GAS7: variants seen among roughly 807,000 people sequenced by gnomAD.
GAS7 encodes the protein growth arrest-specific protein 7.
GAS7 carries 28 observed loss-of-function variants against 71.1 expected under a neutral mutation model. The observed-to-expected ratio is 0.39, with a 90% CI of 0.29 to 0.54. The LOEUF is 0.54. GAS7 is among the 20% of genes least tolerant of loss of function. The pLI is 0.62. For synonymous variants in GAS7, 258 were observed against 245.8 expected, an observed-to-expected ratio of 1.05 and a Z score of -0.46; for missense variants, 436 against 627.8, an observed-to-expected ratio of 0.69 and a Z score of 3.27.
rs12938892 is a variant in GAS7 at position 10,103,775 on chromosome 17, A to C, written c.184-83878T>G. Among the ~76,000 whole-genome samples the C allele has an allele frequency of 6.6e-6, 1 of 151,236 alleles. No homozygotes were observed. Among genetic ancestry groups the C allele is most frequent in the Admixed American group, 6.6e-5 (1 of 15,192 alleles). On this transcript the variant is annotated intron_variant, in intron 1 of 13. Coordinates refer to ENST00000432992, the MANE Select transcript of GAS7 (RefSeq NM_201433.2). The surrounding 1 kb of genome is among the most constrained non-coding windows in gnomAD (Gnocchi z 5.5). ...TGGGAGGCAGAGGTTGCAGTGAGCC[A>C]AGATCTCACCATTGCACTCCAGCCT...
rs775331164 is a variant in GAS7, at chr17:9,971,009, C to G, written c.386-1247G>C. 7.2e-5 allele frequency among the ~76,000 whole-genome samples: 11 copies of G among 152,156 alleles called. No individual in the cohort carries two copies. In the South Asian group the frequency reaches 1.0e-3, roughly 14 times the overall value. ...TACCTGTAAAATGGGGATAATTCTA[C>G]GTATTCTCCTGACCTACTTTGTTGG... On this transcript the variant is annotated intron_variant, in intron 3 of 13. Transcript: ENST00000432992.
chr17:10,029,138 TG>T (rs1353896171), intron 1 of GAS7, among the ~76,000 whole-genome samples: 1 of 152,210 alleles, frequency 6.6e-6, no homozygotes, highest in Non-Finnish European at 1.5e-5. Context: ...ATCATTTACG[TG>T]GGAAGACCAG....
chr17:10,109,596 T>G (rs1039666436), intron 1 of GAS7, among the ~76,000 whole-genome samples: 2 of 152,196 alleles, frequency 1.3e-5, no homozygotes, highest in Non-Finnish European at 1.5e-5. Context: ...CTGCTGGGTA[T>G]TTATCCAAAC....
chr17:10,028,125 G>C (rs778947339), intron 1 of GAS7, among the ~76,000 whole-genome samples: 1 of 152,144 alleles, frequency 6.6e-6, no homozygotes, highest in African/African-American at 2.4e-5. Context: ...GGATGGTCTC[G>C]ATCTCTTGAC....
Position 9,919,678 on chromosome 17 carries a change from A to C in GAS7, c.1166T>G (p.Leu389Arg), listed in dbSNP as rs1485963817. The C allele has an allele frequency of 6.2e-7, 1 of 1,613,662 alleles. No homozygotes were observed. The highest frequency in any genetic ancestry group is 8.5e-7 in the Non-Finnish European group (1 of 1,179,688). The change falls in exon 12 of 14, where the codon CTC (leucine) becomes CGC (arginine). Residue 389 changes from leucine (L) to arginine (R), a missense_variant. By Grantham distance (102) the Leu-to-Arg change is moderately radical. Coordinates refer to ENST00000432992, the MANE Select transcript of GAS7 (RefSeq NM_201433.2). This position sits in a 1 kb window ranked among gnomAD's most constrained non-coding sequence, Gnocchi z 5.0. Reference sequence around the variant, plus strand: ...CCATTTGGACTGGGCCTGGTTGTAGAGATCCACACAGCGCATGAGGTCGTC... The same window carrying C: ...CCATTTGGACTGGGCCTGGTTGTAGCGATCCACACAGCGCATGAGGTCGTC... ...AGDDLMRCVD[L>R]YNQAQSKWFE...
intron 1 of GAS7, among the ~76,000 whole-genome samples, chr17:10,039,552 G>A (rs1315611997): frequency 6.6e-6 from 1 of 152,058 alleles, no homozygotes; most frequent in African/African-American, 2.4e-5. Flanking sequence ...GCATGGTGGC[G>A]GGCGCCTGTA....
At chr17:9,990,078 G>A (rs2070782728) in intron 2 of GAS7, among the ~76,000 whole-genome samples, 1 of 152,146 alleles carries the variant, frequency 6.6e-6, no homozygotes, top group Admixed American at 6.5e-5. Context: ...GACCATCCTG[G>A]CTAACACGGT....
At chr17:9,988,493 C>T (rs138738271) in intron 2 of GAS7, among the ~76,000 whole-genome samples, 155 of 152,324 alleles carry the variant, frequency 1.0e-3, no homozygotes, top group African/African-American at 3.6e-3. Flanking sequence ...TTCCCTCCTG[C>T]GCACCAGAGT....
At chr17:10,019,999 C>T in intron 1 of GAS7, 102 bp from the exon 2 acceptor site, 2 of 1,150,958 alleles carry the variant, frequency 1.7e-6, no homozygotes, top group Non-Finnish European at 2.5e-6. Context: ...AGTAGCGTGA[C>T]ATTGGGAAGT....
At chr17:10,117,969 T>G (rs2073874773) in intron 1 of GAS7, among the ~76,000 whole-genome samples, 1 of 152,122 alleles carries the variant, frequency 6.6e-6, no homozygotes, top group Non-Finnish European at 1.5e-5. Context: ...TTTACTGAGC[T>G]GTGAGAAGCC....
intron 9 of GAS7, among the ~76,000 whole-genome samples, chr17:9,932,387 G>A (rs1245019763): frequency 1.3e-5 from 2 of 152,030 alleles, no homozygotes; most frequent in African/African-American, 4.8e-5. Context: ...TAGAGATGGG[G>A]TTTCACCATG....
intron 2 of GAS7, among the ~76,000 whole-genome samples, chr17:9,982,477 C>T (rs1233006457): frequency 3.9e-5 from 6 of 152,128 alleles, no homozygotes; most frequent in East Asian, 1.9e-4. Context: ...GCTACAGGCT[C>T]TAATCAGAAA....
chr17:9,932,484 C>G (rs1368092363), intron 9 of GAS7, among the ~76,000 whole-genome samples: 4 of 152,242 alleles, frequency 2.6e-5, no homozygotes, highest in African/African-American at 7.2e-5. Flanking sequence ...TGAGCCACCA[C>G]GCCTGGCCCC....
chr17:9,961,231 T>G (rs117192997), intron 4 of GAS7, among the ~76,000 whole-genome samples: 1 of 152,158 alleles, frequency 6.6e-6, no homozygotes, highest in Non-Finnish European at 1.5e-5. Flanking sequence ...TAGACATTTT[T>G]AGTGCATCAT....
chr17:9,985,859 T>C (rs570661698), intron 2 of GAS7, among the ~76,000 whole-genome samples: 3 of 152,312 alleles, frequency 2.0e-5, no homozygotes, highest in South Asian at 4.1e-4. Flanking sequence ...GGTGGCCGCA[T>C]TGCAATGCTG....
rs563010572 is a variant in GAS7, at chr17:9,915,786, G to A, written c.*1442C>T. ...ATGGATTTCCAGGGCATGGGCTCCC[G>A]ACTAGAATCTGCCCCTCGCTCATGC... On this transcript the variant is annotated 3_prime_UTR_variant, in exon 14 of 14. Coordinates refer to ENST00000432992, the MANE Select transcript of GAS7 (RefSeq NM_201433.2). 1.2e-4 allele frequency: 27 copies of A among 231,284 alleles called. No individual in the cohort carries two copies. Among genetic ancestry groups the A allele is most frequent in the South Asian group, 1.8e-4 (1 of 5,516 alleles). The allele number at this position is 231,284 out of a possible 1,614,324, so 14.3% of individuals were successfully genotyped here. A position where few individuals can be genotyped will look rare whatever the true frequency, so the allele number is the denominator to read the frequency against.
Position 9,911,661 on chromosome 17 carries a change from G to C in GAS7, c.*5567C>G, listed in dbSNP as rs757128400. 38 of 232,792 alleles carry C rather than the reference G, an allele frequency of 1.6e-4. No homozygotes were observed. The highest frequency in any genetic ancestry group is 2.6e-3 in the Middle Eastern group (2 of 780). The allele number at this position is 232,792 out of a possible 1,614,324, so 14.4% of individuals were successfully genotyped here. A position where few individuals can be genotyped will look rare whatever the true frequency, so the allele number is the denominator to read the frequency against. On this transcript the variant is annotated 3_prime_UTR_variant, in exon 14 of 14. Transcript: ENST00000432992. The surrounding 1 kb of genome is among the most constrained non-coding windows in gnomAD (Gnocchi z 4.0). ...AAAGCCTCAACAAAAATACTCCTGA[G>C]GGGGAGACAAGAGTCCTCCCCGGCA...
At chr17:9,947,543 G>A (rs1396461908) in intron 5 of GAS7, among the ~76,000 whole-genome samples, 4 of 152,084 alleles carry the variant, frequency 2.6e-5, no homozygotes, top group Admixed American at 6.5e-5. Context: ...TTGAGAGTTC[G>A]AGACCAGCCT....
Position 10,055,441 on chromosome 17 carries a change from C to T in GAS7, c.184-35544G>A, listed in dbSNP as rs146616101. Among the ~76,000 whole-genome samples the T allele has an allele frequency of 7.2e-5, 11 of 152,336 alleles. 1 individual carries two copies. Among genetic ancestry groups the T allele is most frequent in the Middle Eastern group, 3.4e-3 (1 of 294 alleles). Reference sequence around the variant, plus strand: ...GGCGGACCTCAGGCCCTGGCCACCTCCCTGTTCCCAGACTTCCTGCTTTCC... The same window carrying T: ...GGCGGACCTCAGGCCCTGGCCACCTTCCTGTTCCCAGACTTCCTGCTTTCC... On this transcript the variant is annotated intron_variant, in intron 1 of 13. Transcript: ENST00000432992.
Sources: allele counts gnomAD v4.1 joint callset (sites outside exome capture counted in the v4.1 genomes callset), GRCh38; gene constraint gnomAD v4.1.1; non-coding constraint Gnocchi (gnomAD v3.1); transcripts MANE v1.5; gene names NCBI Gene and HGNC (gene_info 2026-07-23, HGNC 2026-07-21).